DACH2: variants seen among roughly 807,000 people sequenced by gnomAD.
The protein encoded by DACH2 is dachshund family transcription factor 2, also known as dachshund homolog 2.
Under a neutral mutation model 35.8 loss-of-function variants are expected in DACH2, and 17 were observed. The observed-to-expected ratio is 0.48, with a 90% CI of 0.33 to 0.71. DACH2 has a LOEUF of 0.71. Ranked by LOEUF, DACH2 falls within the 30% of genes least tolerant of loss-of-function variation. The pLI, the probability that DACH2 is intolerant of heterozygous loss-of-function variation, is 0.02. For missense variants in DACH2, 469 were observed against 472.7 expected (o/e 0.99, Z 0.07); for synonymous variants, 195 against 177.3 (o/e 1.10, Z -0.79).
intron 1 of DACH2, among the ~76,000 whole-genome samples, chrX:86,360,490 T>C (rs1368145865): frequency 8.9e-6 from 1 of 111,975 alleles, no homozygotes; most frequent in Non-Finnish European, 1.9e-5. Context: ...ATAAGGTCAT[T>C]GAATTTTTCA....
At chrX:86,315,732 G>T (rs1397949330) in intron 1 of DACH2, among the ~76,000 whole-genome samples, 1 of 108,118 alleles carries the variant, frequency 9.2e-6, no homozygotes, top group East Asian at 2.9e-4. Flanking sequence ...CTGCCTAGCT[G>T]TCTGGAGTAA....
At chrX:86,825,056 A>G (rs1318645404) in intron 11 of DACH2, among the ~76,000 whole-genome samples, 1 of 112,411 alleles carries the variant, frequency 8.9e-6, no homozygotes, top group Non-Finnish European at 1.9e-5. Context: ...ACTATACTTT[A>G]AAATGTTACC....
At chrX:86,574,265 G>T (rs970832605) in intron 3 of DACH2, among the ~76,000 whole-genome samples, 14 of 110,982 alleles carry the variant, frequency 1.3e-4, no homozygotes, top group South Asian at 1.1e-3. Flanking sequence ...CTTTTAGGCA[G>T]CTCTGTTCAA....
chrX:86,537,339 C>G (rs190982713), intron 3 of DACH2, among the ~76,000 whole-genome samples: 1 of 111,476 alleles, frequency 9.0e-6, no homozygotes, highest in Non-Finnish European at 1.9e-5. Flanking sequence ...TCCTCCAGGT[C>G]TTCTTCCTCT....
chrX:86,202,343 A>G (rs989899419), intron 1 of DACH2, among the ~76,000 whole-genome samples: 11 of 111,507 alleles, frequency 9.9e-5, no homozygotes, highest in African/African-American at 3.6e-4. Flanking sequence ...TGAAACAGAG[A>G]TGGGAAAGTT....
intron 1 of DACH2, among the ~76,000 whole-genome samples, chrX:86,319,795 T>C (rs1020219462): frequency 1.7e-4 from 19 of 112,439 alleles, no homozygotes; most frequent in South Asian, 7.2e-4. Flanking sequence ...GTGCTTATTT[T>C]TCTTAGGAAA....
intron 2 of DACH2, among the ~76,000 whole-genome samples, chrX:86,488,920 C>G (rs994460805): frequency 6.3e-5 from 7 of 110,961 alleles, no homozygotes; most frequent in Non-Finnish European, 1.1e-4. Flanking sequence ...GACATATAAT[C>G]ATTACCTAAC....
chrX:86,459,207 T>A (rs888996354), intron 2 of DACH2, among the ~76,000 whole-genome samples: 3 of 111,620 alleles, frequency 2.7e-5, no homozygotes, highest in Admixed American at 9.6e-5. Context: ...TTATATCACA[T>A]TTTTTAAACC....
rs138186539 is a variant in DACH2, at chrX:86,170,686, C to T, written c.488+21578C>T. The stretch of plus-strand genomic sequence containing the variant: ...TTGATGTTCTCTTAAGTCCCAAGGA[C>T]TCTTTAGTCAGCTTGTCGTTGTTAA... On this transcript the variant is annotated intron_variant, in intron 1 of 11. Transcript: ENST00000373125. Among the ~76,000 whole-genome samples the T allele has an allele frequency of 1.3e-3, 151 of 112,556 alleles. 1 individual carries two copies. Among genetic ancestry groups the T allele is most frequent in the African/African-American group, 4.8e-3 (148 of 31,023 alleles).
At chrX:86,478,542 CT>C (rs767463672) in intron 2 of DACH2, among the ~76,000 whole-genome samples, 2,105 of 86,821 alleles carry the variant, frequency 0.024, 31 homozygotes, top group African/African-American at 0.05. Flanking sequence ...TTTTGTTTTT[CT>C]TTTTTTTTTT....
chrX:86,212,944 A>G (rs2032481237), intron 1 of DACH2, among the ~76,000 whole-genome samples: 1 of 111,580 alleles, frequency 9.0e-6, no homozygotes, highest in African/African-American at 3.2e-5. Context: ...CCGCCATAGA[A>G]TAAATTTCAT....
chrX:86,405,484 C>A (rs1375299912), intron 2 of DACH2, among the ~76,000 whole-genome samples: 1 of 111,684 alleles, frequency 9.0e-6, no homozygotes, highest in East Asian at 2.8e-4. Context: ...CTGAGACCAA[C>A]TCAGCCTGAA....
chrX:86,307,689 C>T (rs2034717852), intron 1 of DACH2, among the ~76,000 whole-genome samples: 1 of 111,343 alleles, frequency 9.0e-6, no homozygotes, highest in Non-Finnish European at 1.9e-5. Context: ...CCTCTGTTTG[C>T]TTCTAGACCT....
At chrX:86,292,337 T>C (rs1156235392) in intron 1 of DACH2, among the ~76,000 whole-genome samples, 1 of 97,686 alleles carries the variant, frequency 1.0e-5, no homozygotes, top group Non-Finnish European at 2.0e-5. Context: ...TTAGTCTTAC[T>C]AGCGGTCTAT....
chrX:86,345,451 G>T, intron 1 of DACH2: 1 of 294,171 alleles, frequency 3.4e-6, no homozygotes, highest in Non-Finnish European at 6.5e-6. Flanking sequence ...AGGAAGGAAA[G>T]ATTGTAAAGA....
chrX:86,270,041 T>A (rs195044), intron 1 of DACH2, among the ~76,000 whole-genome samples: 25,548 of 84,306 alleles, frequency 0.3, 3,323 homozygotes, highest in East Asian at 0.5. Flanking sequence ...ATATATATAT[T>A]TTTTTTTTTT....
chrX:86,478,170 T>A (rs780810976), intron 2 of DACH2, among the ~76,000 whole-genome samples: 1 of 112,033 alleles, frequency 8.9e-6, no homozygotes, highest in Non-Finnish European at 1.9e-5. Context: ...ATATTCTGTA[T>A]TTTTCTGTGT....
chrX:86,155,446 C>T lies in DACH2; in HGVS notation c.488+6338C>T, dbSNP rs186965179. On this transcript the variant is annotated intron_variant, in intron 1 of 11. Coordinates refer to ENST00000373125, the MANE Select transcript of DACH2 (RefSeq NM_053281.3). ...AGTTTAATTTCTTAAACTACAGAAA[C>T]GCATATGGTCACCAAAAGGAACTTT... is the stretch of plus-strand genomic sequence containing the variant. Among the ~76,000 whole-genome samples, 85 of 110,552 alleles carry T rather than the reference C, an allele frequency of 7.7e-4. 1 individual carries two copies. The highest frequency in any genetic ancestry group is 2.0e-3 in the Admixed American group (21 of 10,292).
At chrX:86,742,947 T>C (rs950717439) in intron 7 of DACH2, among the ~76,000 whole-genome samples, 3 of 111,430 alleles carry the variant, frequency 2.7e-5, no homozygotes, top group African/African-American at 6.5e-5. Flanking sequence ...TCTGTGCATA[T>C]AGTTGGAAAC....
Sources: gnomAD v4.1 joint callset for allele counts (sites outside exome capture counted in the v4.1 genomes callset) on GRCh38, gnomAD v4.1.1 for gene constraint, MANE v1.5 for transcripts, NCBI Gene and HGNC (gene_info 2026-07-23, HGNC 2026-07-21) for gene names.